CLEC16A: variants seen among roughly 807,000 people sequenced by gnomAD.
CLEC16A encodes the protein protein CLEC16A.
A neutral mutation model predicts 109.5 loss-of-function variants in CLEC16A; 51 were observed. The ratio of observed to expected loss-of-function variants is 0.47; its 90% CI spans 0.37 to 0.59. CLEC16A has a LOEUF of 0.59. Ranked by LOEUF, CLEC16A falls within the 20% of genes least tolerant of loss-of-function variation. The pLI is 0.00. For synonymous variants in CLEC16A, 673 were observed against 564.2 expected, an observed-to-expected ratio of 1.19 and a Z score of -2.73; for missense variants, 1,339 against 1,394.0, an observed-to-expected ratio of 0.96 and a Z score of 0.63.
At chr16:11,027,381 T>C in intron 13 of CLEC16A, 2 of 1,401,412 alleles carry the variant, frequency 1.4e-6, no homozygotes, top group South Asian at 2.3e-5. Context: ...TAGTGGTGTC[T>C]TTGTAAAAGT....
At chr16:11,008,270 CAG>C (rs910157064) in intron 11 of CLEC16A, among the ~76,000 whole-genome samples, 48 of 152,302 alleles carry the variant, frequency 3.2e-4, no homozygotes, top group African/African-American at 1.1e-3. Context: ...ATATGGAACA[CAG>C]AGGGCAACTG....
chr16:11,178,559 C>T lies in CLEC16A; in HGVS notation c.3031C>T (p.Pro1011Ser). The T allele has an allele frequency of 6.2e-7, 1 of 1,612,354 alleles. No homozygotes were observed. The highest frequency in any genetic ancestry group is 8.5e-7 in the Non-Finnish European group (1 of 1,179,802). Residue 1011 changes from proline (P) to serine (S), a missense_variant, in exon 24 of 24, where the codon CCC (proline) becomes TCC (serine). Physicochemically the swap from Pro to Ser is moderately conservative, Grantham distance 74. This residue lies in a region of CLEC16A where 1,061 missense variants were observed against 1,006.8 expected (regional missense o/e 1.05). Coordinates refer to ENST00000409790, the MANE Select transcript of CLEC16A (RefSeq NM_015226.3). This position sits in a 1 kb window ranked among gnomAD's most constrained non-coding sequence, Gnocchi z 6.5. Reference protein sequence around the residue: ...TLSVESLTLVPPVDPHSLRSL... With the variant: ...TLSVESLTLVSPVDPHSLRSL... Reference sequence around the variant, plus strand: ...GAGCGTCGAATCGCTGACCCTTGTCCCCCCAGTTGACCCCCACAGCCTCCG... The same window carrying T: ...GAGCGTCGAATCGCTGACCCTTGTCTCCCCAGTTGACCCCCACAGCCTCCG...
intron 19 of CLEC16A, among the ~76,000 whole-genome samples, chr16:11,085,191 C>A (rs1014301074): frequency 2.0e-5 from 3 of 152,236 alleles, no homozygotes; most frequent in African/African-American, 7.2e-5. Flanking sequence ...CCATGAAGCC[C>A]CCACCCTGGG....
At chr16:11,134,434 C>G (rs1597508303) in intron 22 of CLEC16A, among the ~76,000 whole-genome samples, 1 of 152,140 alleles carries the variant, frequency 6.6e-6, no homozygotes, top group Non-Finnish European at 1.5e-5. Context: ...AGATAGGAAA[C>G]TGAGGCTCAA....
At chr16:11,006,787 G>A (rs562434939) in intron 11 of CLEC16A, among the ~76,000 whole-genome samples, 1 of 152,278 alleles carries the variant, frequency 6.6e-6, no homozygotes, top group East Asian at 1.9e-4. Flanking sequence ...AGACAAGGAA[G>A]TTGTGTGAAA....
intron 19 of CLEC16A, among the ~76,000 whole-genome samples, chr16:11,099,007 C>T (rs920242895): frequency 2.0e-5 from 3 of 152,346 alleles, no homozygotes; most frequent in East Asian, 1.9e-4. Flanking sequence ...CTCTGTGACA[C>T]GGAGAGACAG....
Position 10,961,513 on chromosome 16 carries a change from C to G in CLEC16A, c.210-942C>G, listed in dbSNP as rs1418877515. Among the ~76,000 whole-genome samples the G allele has an allele frequency of 6.6e-6, 1 of 152,222 alleles. No homozygotes were observed. Among genetic ancestry groups the G allele is most frequent in the Non-Finnish European group, 1.5e-5 (1 of 68,046 alleles). ...AACACATAACTAGAAACGTCATTCT[C>G]TTCCTTTAGAGAAAGGCACTGGATG... On this transcript the variant is annotated intron_variant, in intron 2 of 23. Transcript: ENST00000409790. The surrounding 1 kb of genome is among the most constrained non-coding windows in gnomAD (Gnocchi z 4.3).
intron 11 of CLEC16A, among the ~76,000 whole-genome samples, chr16:11,017,517 C>G (rs1009899320): frequency 6.6e-6 from 1 of 152,094 alleles, no homozygotes; most frequent in Non-Finnish European, 1.5e-5. Context: ...ACCTAATGTC[C>G]CATTCTCTAA....
At chr16:11,062,626 T>TAG (rs2048544245) in intron 19 of CLEC16A, among the ~76,000 whole-genome samples, 1 of 152,146 alleles carries the variant, frequency 6.6e-6, no homozygotes, top group African/African-American at 2.4e-5. Flanking sequence ...GCCTGACACG[T>TAG]AGAGGTTCTC....
chr16:11,034,470 A>G (rs1171233562), intron 13 of CLEC16A, among the ~76,000 whole-genome samples: 1 of 152,240 alleles, frequency 6.6e-6, no homozygotes, highest in Non-Finnish European at 1.5e-5. Context: ...GGAAGAATCC[A>G]GATATCAGAA....
At chr16:11,085,102 G>A (rs571012576) in intron 19 of CLEC16A, among the ~76,000 whole-genome samples, 8 of 152,314 alleles carry the variant, frequency 5.3e-5, no homozygotes, top group African/African-American at 1.7e-4. Flanking sequence ...GGAGCCTGTC[G>A]TTGTCTGAAG....
intron 19 of CLEC16A, among the ~76,000 whole-genome samples, chr16:11,093,420 G>T (rs1037040833): frequency 2.6e-5 from 4 of 152,184 alleles, no homozygotes; most frequent in African/African-American, 9.7e-5. Flanking sequence ...CACTTCCTGT[G>T]GCACTCAGGC....
At chr16:10,988,155 T>G (rs763554988) in intron 10 of CLEC16A, among the ~76,000 whole-genome samples, 3 of 152,244 alleles carry the variant, frequency 2.0e-5, no homozygotes, top group Admixed American at 6.5e-5. Flanking sequence ...CATCTCGTTG[T>G]TTTTGCAGAA....
At chr16:11,027,677 C>A in intron 13 of CLEC16A, 1 of 1,571,394 alleles carries the variant, frequency 6.4e-7, no homozygotes, top group East Asian at 2.2e-5. Flanking sequence ...ATCATGCTAC[C>A]AAAAATAGAG....
chr16:11,014,841 C>T (rs1049740570), intron 11 of CLEC16A, among the ~76,000 whole-genome samples: 4 of 152,136 alleles, frequency 2.6e-5, no homozygotes, highest in Non-Finnish European at 1.5e-5. Flanking sequence ...AGTTGGGGCC[C>T]GGAGTGGCAC....
At chr16:11,054,238 A>T (rs890575953) in intron 18 of CLEC16A, among the ~76,000 whole-genome samples, 2 of 152,162 alleles carry the variant, frequency 1.3e-5, no homozygotes, top group Non-Finnish European at 2.9e-5. Context: ...CAGGCGAGAG[A>T]TGGGAGAAAT....
intron 13 of CLEC16A, 78 bp from the exon 14 acceptor site, chr16:11,039,676 C>T: frequency 6.9e-7 from 1 of 1,449,596 alleles, no homozygotes; most frequent in Non-Finnish European, 9.2e-7. Flanking sequence ...TGAGGAAACC[C>T]CACTCTACAG....
chr16:11,164,506 C>A (rs960392032), intron 22 of CLEC16A, among the ~76,000 whole-genome samples: 1 of 152,172 alleles, frequency 6.6e-6, no homozygotes. Context: ...CAGGGACTTG[C>A]CCAAGGTCCC....
rs200167483 is a variant in CLEC16A, at chr16:10,969,274, C to T, written c.457C>T (p.Leu153Phe). The T allele has an allele frequency of 1.9e-6, 3 of 1,611,436 alleles. No homozygotes were observed. The highest frequency in any genetic ancestry group is 2.5e-6 in the Non-Finnish European group (3 of 1,178,832). ...GTTCCTGAAAACACTTTCGTTAAAACTCAACAACCACACTGTCCATTTCTT... is the reference window on the plus strand; with the variant it reads ...GTTCCTGAAAACACTTTCGTTAAAATTCAACAACCACACTGTCCATTTCTT... ...ISFLKTLSLKLNNHTVHFFYN... is the reference protein window; with the variant it reads ...ISFLKTLSLKFNNHTVHFFYN... Residue 153 changes from leucine (L) to phenylalanine (F), a missense_variant, in exon 4 of 24, where the codon CTC becomes TTC. Coordinates refer to ENST00000409790, the MANE Select transcript of CLEC16A (RefSeq NM_015226.3).
Sources: gnomAD v4.1 joint callset for allele counts (sites outside exome capture counted in the v4.1 genomes callset) on GRCh38, gnomAD v4.1.1 for gene constraint, gnomAD v4.1.1 regional missense constraint, Gnocchi (gnomAD v3.1) non-coding constraint, MANE v1.5 for transcripts, NCBI Gene and HGNC (gene_info 2026-07-23, HGNC 2026-07-21) for gene names.